SUMF1: variants seen among roughly 807,000 people sequenced by gnomAD.
The protein encoded by SUMF1 is sulfatase modifying factor 1, also known as formylglycine-generating enzyme.
In SUMF1, 48 loss-of-function variants were observed where a neutral mutation model predicts 47.6. The observed-to-expected ratio is 1.01, with a 90% CI of 0.80 to 1.28. The LOEUF is 1.28. Ranked by LOEUF, SUMF1 falls within the 50% of genes most tolerant of loss-of-function variation. The pLI is 0.00. For synonymous variants in SUMF1, 230 were observed against 192.1 expected (o/e 1.20, Z -1.63); for missense variants, 571 against 485.4 (o/e 1.18, Z -1.66).
chr3:4,140,459 T>A (rs1694046382), intron 8 of SUMF1, among the ~76,000 whole-genome samples: 1 of 152,102 alleles, frequency 6.6e-6, no homozygotes, highest in South Asian at 2.1e-4. Context: ...TATTTCAGTT[T>A]TCAAGTAGAG....
chr3:4,383,126 C>T (rs4685746), intron 7 of SUMF1, among the ~76,000 whole-genome samples: 43,734 of 151,862 alleles, frequency 0.29, 7,321 homozygotes, highest in East Asian at 0.54. Context: ...TGCCTATAAT[C>T]CCAGCACTTT....
chr3:4,372,391 T>A (rs1700196731), intron 8 of SUMF1, among the ~76,000 whole-genome samples: 1 of 152,212 alleles, frequency 6.6e-6, no homozygotes, highest in Admixed American at 6.5e-5. Flanking sequence ...TTTTAAAAAA[T>A]GAATTATAAC....
At chr3:4,067,470 T>C (rs1017451051) in intron 9 of SUMF1, among the ~76,000 whole-genome samples, 3 of 152,184 alleles carry the variant, frequency 2.0e-5, no homozygotes, top group Admixed American at 1.3e-4. Flanking sequence ...CACATGATAA[T>C]GCCAATGAAT....
At chr3:4,308,938 C>A (rs1390634363) in intron 8 of SUMF1, among the ~76,000 whole-genome samples, 3 of 152,126 alleles carry the variant, frequency 2.0e-5, no homozygotes, top group African/African-American at 7.2e-5. Flanking sequence ...AACATGTATC[C>A]GAAGTGGTTG....
chr3:4,303,837 T>G, intron 8 of SUMF1: 1 of 1,345,534 alleles, frequency 7.4e-7, no homozygotes, highest in Non-Finnish European at 9.8e-7. Flanking sequence ...GGGGGAGTCA[T>G]TTACCTCCCT....
intron 1 of SUMF1, among the ~76,000 whole-genome samples, chr3:4,456,047 T>C (rs1703149938): frequency 1.3e-5 from 2 of 152,196 alleles, no homozygotes; most frequent in African/African-American, 4.8e-5. Flanking sequence ...GGTTTATCCC[T>C]AGGATCAAAG....
At chr3:4,411,408 G>A (rs903124499) in intron 6 of SUMF1, among the ~76,000 whole-genome samples, 2 of 152,106 alleles carry the variant, frequency 1.3e-5, no homozygotes, top group African/African-American at 4.8e-5. Context: ...TTTCAGCACT[G>A]AGCGACCCCA....
chr3:4,065,922 A>G (rs953707263), intron 9 of SUMF1, among the ~76,000 whole-genome samples: 3 of 152,128 alleles, frequency 2.0e-5, no homozygotes, highest in Admixed American at 6.6e-5. Flanking sequence ...GACAGGGGAA[A>G]AAATGAGGGG....
chr3:4,283,094 C>T (rs755755207), intron 8 of SUMF1, among the ~76,000 whole-genome samples: 5 of 152,154 alleles, frequency 3.3e-5, no homozygotes, highest in Admixed American at 6.5e-5. Context: ...GTGCCTCTCC[C>T]TTGAGGATCT....
chr3:4,071,578 C>G (rs2125036862), intron 8 of SUMF1, among the ~76,000 whole-genome samples: 1 of 152,332 alleles, frequency 6.6e-6, no homozygotes, highest in Non-Finnish European at 1.5e-5. Context: ...ACTGCTAGCG[C>G]AGGAGTCTGA....
At chr3:4,074,119 C>A (rs1311996471) in intron 8 of SUMF1, among the ~76,000 whole-genome samples, 1 of 152,084 alleles carries the variant, frequency 6.6e-6, no homozygotes, top group Non-Finnish European at 1.5e-5. Flanking sequence ...TGTAAAAGAA[C>A]AGAAATCACA....
At chr3:4,224,048 G>C (rs576026612) in intron 8 of SUMF1, among the ~76,000 whole-genome samples, 3 of 152,200 alleles carry the variant, frequency 2.0e-5, no homozygotes, top group African/African-American at 7.2e-5. Context: ...GCAGGCAAAA[G>C]AACCAGGGGC....
intron 3 of SUMF1, among the ~76,000 whole-genome samples, chr3:4,428,961 A>T (rs1421719357): frequency 6.6e-6 from 1 of 152,230 alleles, no homozygotes; most frequent in Non-Finnish European, 1.5e-5. Context: ...GAACTTCATA[A>T]CGATCACTTT....
intron 8 of SUMF1, among the ~76,000 whole-genome samples, chr3:4,372,531 C>T (rs1004325761): frequency 2.6e-5 from 4 of 152,044 alleles, no homozygotes; most frequent in Non-Finnish European, 4.4e-5. Context: ...GGGAAATAAT[C>T]TAATTATAAT....
At chr3:4,462,542 C>T (rs2079840377) in intron 1 of SUMF1, among the ~76,000 whole-genome samples, 2 of 152,086 alleles carry the variant, frequency 1.3e-5, no homozygotes, top group Admixed American at 1.3e-4. Context: ...CCAGTCTTGT[C>T]TTTTTTTCAC....
chr3:4,056,549 T>C (rs1695194847), intron 9 of SUMF1, among the ~76,000 whole-genome samples: 1 of 151,912 alleles, frequency 6.6e-6, no homozygotes, highest in Non-Finnish European at 1.5e-5. Context: ...AGCATGCTAA[T>C]TGGGAAGCTG....
chr3:4,216,269 T>C (rs1462417625), intron 8 of SUMF1, among the ~76,000 whole-genome samples: 1 of 152,156 alleles, frequency 6.6e-6, no homozygotes, highest in Non-Finnish European at 1.5e-5. Context: ...TTGAGAAACC[T>C]GACACAAACA....
chr3:4,421,040 A>G (rs1701882743), intron 3 of SUMF1, among the ~76,000 whole-genome samples: 1 of 152,232 alleles, frequency 6.6e-6, no homozygotes, highest in Admixed American at 6.5e-5. Flanking sequence ...GTGAGGTAAG[A>G]TTGGAAAATG....
rs1697134245 is a variant in SUMF1, at chr3:4,263,770, C to A, written c.1014+112560G>T. On this transcript the variant is annotated intron_variant and NMD_transcript_variant, in intron 8 of 12. Transcript: ENST00000448413. Reference sequence around the variant, plus strand: ...GAAGGCATATTATGAATACTCCTCTCTGACCCTTATTCCATTCTGCCTTAA... The same window carrying A: ...GAAGGCATATTATGAATACTCCTCTATGACCCTTATTCCATTCTGCCTTAA... Among the ~76,000 whole-genome samples, 6 of 152,336 alleles carry A rather than the reference C, an allele frequency of 3.9e-5. No individual in the cohort carries two copies. In the South Asian group the frequency reaches 1.0e-3, roughly 26 times the overall value.
Sources: allele counts gnomAD v4.1 joint callset (sites outside exome capture counted in the v4.1 genomes callset), GRCh38; gene constraint gnomAD v4.1.1; transcripts MANE v1.5; gene names NCBI Gene and HGNC (gene_info 2026-07-23, HGNC 2026-07-21).